The following PDZRN4 variants were observed in gnomAD, a reference collection of about 807,000 sequenced individuals.
PDZRN4 encodes PDZ domain-containing RING finger protein 4.
Under a neutral mutation model 99.0 loss-of-function variants are expected in PDZRN4, and 70 were observed. The ratio of observed to expected loss-of-function variants is 0.71; its 90% CI spans 0.58 to 0.86. The LOEUF (loss-of-function observed/expected upper bound fraction) is 0.86. PDZRN4 is among the 40% of genes least tolerant of loss of function. The pLI is 0.00. For missense variants in PDZRN4, 1,474 were observed against 1,331.2 expected, an observed-to-expected ratio of 1.11 and a Z score of -1.67; for synonymous variants, 551 against 501.6, an observed-to-expected ratio of 1.10 and a Z score of -1.32.
chr12:41,559,213 TCACA>T (rs1939223693), intron 7 of PDZRN4, among the ~76,000 whole-genome samples: 1 of 151,364 alleles, frequency 6.6e-6, no homozygotes, highest in Admixed American at 6.6e-5. Flanking sequence ...ACACGTGCTG[TCACA>T]CAAAGGGGAT....
intron 3 of PDZRN4, among the ~76,000 whole-genome samples, chr12:41,340,607 G>A (rs1951809172): frequency 6.6e-6 from 1 of 151,796 alleles, no homozygotes; most frequent in African/African-American, 2.4e-5. Context: ...ATAACACAAA[G>A]AAATGATAAG....
intron 3 of PDZRN4, among the ~76,000 whole-genome samples, chr12:41,216,603 A>G (rs1950922624): frequency 6.6e-6 from 1 of 152,048 alleles, no homozygotes; most frequent in African/African-American, 2.4e-5. Flanking sequence ...GAAAGCCTGC[A>G]TATTCTAAAC....
intron 3 of PDZRN4, among the ~76,000 whole-genome samples, chr12:41,258,799 T>C (rs898155321): frequency 2.0e-5 from 3 of 151,986 alleles, no homozygotes. Context: ...ATATGTCAGG[T>C]GGTAACACAT....
chr12:41,272,064 T>A (rs940941721), intron 3 of PDZRN4, among the ~76,000 whole-genome samples: 7 of 152,098 alleles, frequency 4.6e-5, no homozygotes, highest in African/African-American at 1.7e-4. Context: ...AGAGTATTTT[T>A]TTTTTTGGAA....
chr12:41,504,368 A>G (rs1938168130), intron 3 of PDZRN4, among the ~76,000 whole-genome samples: 2 of 152,170 alleles, frequency 1.3e-5, no homozygotes, highest in African/African-American at 4.8e-5. Flanking sequence ...CTGCAGGAAC[A>G]GATCTTCACT....
chr12:41,572,470 A>T lies in PDZRN4; in HGVS notation c.1691A>T (p.Asn564Ile). 6.2e-7 allele frequency: 1 copy of T among 1,614,164 alleles called. No individual in the cohort carries two copies. Among genetic ancestry groups the T allele is most frequent in the African/African-American group, 1.3e-5 (1 of 75,060 alleles). Residue 564 changes from asparagine (N) to isoleucine (I), a missense_variant, in exon 10 of 10, where the codon AAT becomes ATT. Coordinates refer to ENST00000402685, the MANE Select transcript of PDZRN4 (RefSeq NM_001164595.2). Reference sequence around the variant, plus strand: ...GGACGTACAGATGAAAGCTTGCGAAATGATGAGAGCTCAGAGCAGGAGAAT... The same window carrying T: ...GGACGTACAGATGAAAGCTTGCGAATTGATGAGAGCTCAGAGCAGGAGAAT... ...GVGRTDESLR[N>I]DESSEQENAA... is the part of the protein sequence containing the mutation.
chr12:41,425,371 T>C (rs2120420850), intron 3 of PDZRN4, among the ~76,000 whole-genome samples: 1 of 151,506 alleles, frequency 6.6e-6, no homozygotes, highest in African/African-American at 2.4e-5. Flanking sequence ...GGAGGAAAGC[T>C]CAGCCCTTCC....
At chr12:41,543,586 G>T (rs949763800) in intron 5 of PDZRN4, among the ~76,000 whole-genome samples, 12 of 152,272 alleles carry the variant, frequency 7.9e-5, no homozygotes, top group Admixed American at 5.2e-4. Flanking sequence ...TATTGTTTTA[G>T]ATATAACTTG....
intron 3 of PDZRN4, among the ~76,000 whole-genome samples, chr12:41,309,571 C>T (rs887632762): frequency 6.6e-6 from 1 of 152,082 alleles, no homozygotes; most frequent in African/African-American, 2.4e-5. Flanking sequence ...TTTTGGGAGA[C>T]ATAGTCAAGG....
In PDZRN4 at chr12:41,562,026, G is replaced by A. The variant is rs372018764; in HGVS notation, c.1366-1522G>A. ...TGACAAACCGCAACATATCCTTCCC[G>A]GTCATTATTTCCCATTGTGGAATCG... On this transcript the variant is annotated intron_variant, in intron 7 of 9. Coordinates refer to ENST00000402685, the MANE Select transcript of PDZRN4 (RefSeq NM_001164595.2). Among the ~76,000 whole-genome samples, 9 of 152,008 alleles carry A rather than the reference G, an allele frequency of 5.9e-5. No individual in the cohort carries two copies. In the East Asian group the frequency reaches 1.4e-3, roughly 23 times the overall value.
chr12:41,396,171 T>C (rs879604173), intron 3 of PDZRN4, among the ~76,000 whole-genome samples: 15 of 152,174 alleles, frequency 9.9e-5, no homozygotes, highest in Admixed American at 2.0e-4. Context: ...TTAATTTTCA[T>C]GTTACTGCAG....
chr12:41,423,408 T>C (rs542327142), intron 3 of PDZRN4, among the ~76,000 whole-genome samples: 135 of 152,220 alleles, frequency 8.9e-4, no homozygotes, highest in Middle Eastern at 3.4e-3. Flanking sequence ...TGGTTTTCGG[T>C]TCTTGCATTC....
At chr12:41,219,191 T>G (rs1365004499) in intron 3 of PDZRN4, among the ~76,000 whole-genome samples, 4 of 151,964 alleles carry the variant, frequency 2.6e-5, no homozygotes, top group Non-Finnish European at 5.9e-5. Context: ...TTTCACGCTG[T>G]GATGAAAGCT....
At chr12:41,400,253 G>A (rs145316124) in intron 3 of PDZRN4, among the ~76,000 whole-genome samples, 4 of 152,226 alleles carry the variant, frequency 2.6e-5, no homozygotes, top group African/African-American at 9.6e-5. Context: ...TTTTGTAATA[G>A]ACACTATTGG....
intron 3 of PDZRN4, among the ~76,000 whole-genome samples, chr12:41,213,632 A>G (rs1197998550): frequency 6.6e-6 from 1 of 152,062 alleles, no homozygotes; most frequent in East Asian, 1.9e-4. Context: ...CCTAAAATAC[A>G]ACAAAACAGA....
At chr12:41,228,123 C>A (rs1951007220) in intron 3 of PDZRN4, among the ~76,000 whole-genome samples, 1 of 152,000 alleles carries the variant, frequency 6.6e-6, no homozygotes, top group African/African-American at 2.4e-5. Context: ...TGATATGGAG[C>A]CATAAAGACT....
intron 3 of PDZRN4, among the ~76,000 whole-genome samples, chr12:41,227,388 G>A (rs1433494516): frequency 6.6e-6 from 1 of 152,084 alleles, no homozygotes; most frequent in Non-Finnish European, 1.5e-5. Context: ...CATCAGGCTG[G>A]GTGCAGTGGC....
chr12:41,245,694 A>T (rs562215145), intron 3 of PDZRN4, among the ~76,000 whole-genome samples: 24 of 152,320 alleles, frequency 1.6e-4, no homozygotes, highest in Non-Finnish European at 2.9e-4. Context: ...AGTGAAAAAA[A>T]ATATATGGCA....
At position 41,555,875 on chromosome 12, in the gene PDZRN4, A is replaced by T. The variant is rs76597388; in HGVS notation, c.1365+115A>T. 4,053 of 855,712 alleles carry T rather than the reference A, an allele frequency of 4.7e-3. 88 individuals are homozygous for T. The African/African-American group carries it at 0.049, about 10-fold the overall frequency. 53.0% of individuals were successfully genotyped at this position (855,712 alleles called of 1,614,324 possible). On this transcript the variant is annotated intron_variant, in intron 7 of 9. Transcript: ENST00000402685. The stretch of plus-strand genomic sequence containing the variant: ...TTTGTCTTTGCTTTTGGATACTAAC[A>T]TCTACAAAACCAAAAAAAAAAAGTG...
Sources: allele counts gnomAD v4.1 joint callset (sites outside exome capture counted in the v4.1 genomes callset), GRCh38; gene constraint gnomAD v4.1.1; transcripts MANE v1.5; gene names NCBI Gene and HGNC (gene_info 2026-07-23, HGNC 2026-07-21).